The following CEP152 variants were observed in gnomAD, a reference collection of about 807,000 sequenced individuals.
The protein encoded by CEP152 is centrosomal protein of 152 kDa.
A neutral mutation model predicts 188.9 loss-of-function variants in CEP152; 132 were observed. The ratio of observed to expected loss-of-function variants is 0.70; its 90% confidence interval spans 0.61 to 0.81. CEP152 has a LOEUF of 0.81. Among genes scored for constraint, CEP152 ranks in the 30% least tolerant of loss-of-function variants. CEP152 has a pLI of 0.00. For missense variants in CEP152, 1,914 were observed against 1,969.8 expected, an observed-to-expected ratio of 0.97 and a Z score of 0.54; for synonymous variants, 649 against 666.6, an observed-to-expected ratio of 0.97 and a Z score of 0.41.
Position 48,759,248 on chromosome 15 carries a change from A to G in CEP152, c.2694+887T>C, listed in dbSNP as rs191067913. Among the ~76,000 whole-genome samples, 579 of 152,252 alleles carry G rather than the reference A, an allele frequency of 3.8e-3. 4 individuals carry two copies. Among genetic ancestry groups the G allele is most frequent in the African/African-American group, 0.014 (564 of 41,538 alleles). ...ATTATGGTACAGATCTGAAATCTTC[A>G]ATTTTCTTTTAATTTTTCTACACTT... On this transcript the variant is annotated intron_variant, in intron 19 of 26. Coordinates refer to ENST00000380950, the MANE Select transcript of CEP152 (RefSeq NM_001194998.2).
Position 48,739,020 on chromosome 15 carries a change from G to A in CEP152, c.4362C>T (p.Asn1454=). The A allele has an allele frequency of 6.2e-7, 1 of 1,614,122 alleles. No homozygotes were observed. Among genetic ancestry groups the A allele is most frequent in the African/African-American group, 1.3e-5 (1 of 75,022 alleles). The change falls in exon 27 of 27, where the codon AAC becomes AAT. Residue 1454 remains asparagine (N), a synonymous_variant. Coordinates refer to ENST00000380950, the MANE Select transcript of CEP152 (RefSeq NM_001194998.2). ...QFGDGSCKHL[N]SLPRNVSPEF... ...CAGGAGAAACATTCCTTGGCAAACT[G>A]TTTAGGTGCTTGCAACTACCATCCC...
At chr15:48,729,094 T>C (rs1892340661) in intron 2 of CEP152, 3 of 152,194 alleles carry the variant, frequency 2.0e-5, no homozygotes, top group Admixed American at 2.0e-4. Flanking sequence ...TGACACCTCA[T>C]AAATATTTGT....
chr15:48,793,449 T>C lies in CEP152; in HGVS notation c.704A>G (p.Asn235Ser). Reference sequence around the variant, plus strand: ...AACCTGAAGTTGAATAATCTGCATATTTTCTGCAGAGTCTGGGAATTAAAG... The same window carrying C: ...AACCTGAAGTTGAATAATCTGCATACTTTCTGCAGAGTCTGGGAATTAAAG... ...FLGANENSAE[N>S]MQIIQLQVLN... Residue 235 changes from asparagine (N) to serine (S), a missense_variant, in exon 7 of 27, where the codon AAT becomes AGT. Physicochemically the swap from Asn to Ser is conservative, Grantham distance 46 (BLOSUM62 1). Coordinates refer to ENST00000380950, the MANE Select transcript of CEP152 (RefSeq NM_001194998.2). 6.2e-7 allele frequency: 1 copy of C among 1,613,092 alleles called. No homozygotes were observed. The highest frequency in any genetic ancestry group is 8.5e-7 in the Non-Finnish European group (1 of 1,179,384).
chr15:48,794,045 G>A (rs1897145892), intron 6 of CEP152, among the ~76,000 whole-genome samples: 1 of 152,064 alleles, frequency 6.6e-6, no homozygotes, highest in African/African-American at 2.4e-5. Flanking sequence ...CAAGAATTTT[G>A]GGGAGGGAGC....
Position 48,752,434 on chromosome 15 carries a change from G to T in CEP152, c.3381C>A (p.Ser1127Arg). Residue 1127 changes from serine to arginine, a missense_variant, in exon 21 of 27, where the codon AGC becomes AGA. Ser to Arg is a moderately radical substitution (Grantham distance 110). Transcript: ENST00000380950. ...CAGGGTCTCCTTGGCCAGTGCCCTG[G>T]CTGGCAGAATCCTTAGAGAGCTCGG... ...NMAELSKDSA[S>R]QGTGQGDPGP... 6.2e-7 allele frequency: 1 copy of T among 1,613,812 alleles called. No individual in the cohort carries two copies. The highest frequency in any genetic ancestry group is 8.5e-7 in the Non-Finnish European group (1 of 1,180,006).
chr15:48,765,769 T>TC (rs1424622099), intron 17 of CEP152: 1 of 337,816 alleles, frequency 3.0e-6, no homozygotes, highest in Non-Finnish European at 5.6e-6. Context: ...TTCTCCTGCC[T>TC]CAGCCTCCCG....
chr15:48,778,186 C>G (rs1172126709), intron 12 of CEP152, among the ~76,000 whole-genome samples: 1 of 152,106 alleles, frequency 6.6e-6, no homozygotes, highest in Non-Finnish European at 1.5e-5. Flanking sequence ...GAGGCTAAAC[C>G]CTTAAAATTT....
chr15:48,786,555 G>T (rs1896645926), intron 9 of CEP152, among the ~76,000 whole-genome samples: 1 of 152,254 alleles, frequency 6.6e-6, no homozygotes, highest in East Asian at 1.9e-4. Flanking sequence ...ATGTGTATAG[G>T]TGTGTTACAT....
intron 17 of CEP152, 26 bp from the exon 18 acceptor site, chr15:48,762,698 A>G (rs1894778324): frequency 1.2e-6 from 2 of 1,609,862 alleles, no homozygotes; most frequent in African/African-American, 2.7e-5. Context: ...AAATCATACG[A>G]GAAGAACAAT....
chr15:48,742,236 A>G, intron 24 of CEP152, 136 bp from the exon 25 acceptor site: 1 of 814,128 alleles, frequency 1.2e-6, no homozygotes, highest in South Asian at 1.4e-5. Context: ...TACTTTCCAC[A>G]GTCATTAAAA....
chr15:48,778,042 G>A (rs1896029395), intron 12 of CEP152, among the ~76,000 whole-genome samples: 1 of 152,112 alleles, frequency 6.6e-6, no homozygotes, highest in Admixed American at 6.5e-5. Flanking sequence ...AAGACCAAAG[G>A]GAAAAGGCAT....
chr15:48,781,303 T>G lies in CEP152; in HGVS notation c.1470A>C (p.Leu490=). 6.2e-7 allele frequency: 1 copy of G among 1,611,174 alleles called. No individual in the cohort carries two copies. ...CTTCTGAGTCACTTGGATGTATTCC[T>G]AGTTTTGCAGCAGATTCATAGAGAG... is the stretch of plus-strand genomic sequence containing the variant. ...EISLYESAAK[L]GIHPSDSEGE... Residue 490 remains leucine (L), a synonymous_variant, in exon 12 of 27, where the codon CTA becomes CTC. Transcript: ENST00000380950.
chr15:48,737,181 G>A (rs1256222402), downstream of CEP152, among the ~76,000 whole-genome samples: 2 of 152,134 alleles, frequency 1.3e-5, no homozygotes, highest in African/African-American at 4.8e-5. Context: ...GGAGGAGGAT[G>A]CATCTTGCCG....
At chr15:48,792,467 G>A (rs967003716) in intron 7 of CEP152, among the ~76,000 whole-genome samples, 9 of 152,328 alleles carry the variant, frequency 5.9e-5, no homozygotes, top group Admixed American at 5.9e-4. Flanking sequence ...TTCTGCAAAT[G>A]AAAGTTCAAC....
chr15:48,741,315 C>A, intron 26 of CEP152: 1 of 1,204,018 alleles, frequency 8.3e-7, no homozygotes, highest in Non-Finnish European at 1.0e-6. Flanking sequence ...TTTTAAAACC[C>A]ACTTATAATT....
At chr15:48,766,400 G>C (rs1424565208) in intron 17 of CEP152, among the ~76,000 whole-genome samples, 1 of 152,196 alleles carries the variant, frequency 6.6e-6, no homozygotes. Context: ...CACTGGGCCA[G>C]GACAGGGAAG....
intron 2 of CEP152, among the ~76,000 whole-genome samples, chr15:48,803,532 T>C (rs1380976605): frequency 6.6e-6 from 1 of 152,212 alleles, no homozygotes; most frequent in Non-Finnish European, 1.5e-5. Context: ...CATGAAGTTT[T>C]TTACAAATTT....
chr15:48,791,660 G>A (rs945456740), intron 7 of CEP152, among the ~76,000 whole-genome samples: 2 of 151,878 alleles, frequency 1.3e-5, no homozygotes, highest in African/African-American at 4.8e-5. Flanking sequence ...GGGATTACAG[G>A]CACCTGCCAC....
At chr15:48,735,552 T>C (rs372402392), downstream of CEP152, among the ~76,000 whole-genome samples, 9 of 152,112 alleles carry the variant, frequency 5.9e-5, no homozygotes, top group East Asian at 1.2e-3. Context: ...CTTGCCAATA[T>C]GGTGAAACGA....
Sources: allele counts gnomAD v4.1 joint callset (sites outside exome capture counted in the v4.1 genomes callset), GRCh38; gene constraint gnomAD v4.1.1; transcripts MANE v1.5; gene names NCBI Gene and HGNC (gene_info 2026-07-23, HGNC 2026-07-21).